Variants in WDR46 observed in about 807,000 individuals in gnomAD.
WDR46 encodes the protein WD repeat-containing protein 46.
A neutral mutation model predicts 74.7 loss-of-function variants in WDR46; 58 were observed. That is an observed-to-expected ratio of 0.78 (90% CI 0.63 to 0.97). The LOEUF is 0.97. Among genes scored for constraint, WDR46 ranks in the 50% least tolerant of loss-of-function variants. The pLI, the probability that WDR46 is intolerant of heterozygous loss-of-function variation, is 0.00. For missense variants in WDR46, 702 were observed against 790.1 expected, an observed-to-expected ratio of 0.89 and a Z score of 1.34; for synonymous variants, 278 against 297.3, an observed-to-expected ratio of 0.93 and a Z score of 0.67.
intron 10 of WDR46, among the ~76,000 whole-genome samples, chr6:33,283,005 T>G (rs1232764174): frequency 6.6e-6 from 1 of 152,078 alleles, no homozygotes; most frequent in Non-Finnish European, 1.5e-5. Context: ...GGTCAGGAGT[T>G]CAAGACCAGC....
At position 33,289,132 on chromosome 6, in the gene WDR46, G is replaced by A; in HGVS notation, c.39C>T (p.Pro13=). ...TAPKPGKDVP[P]KKDKLQTKRK... is the part of the protein sequence containing the mutation. ...TCTTGGTCTGAAGTTTGTCTTTCTT[G>A]GGCGGGACATCCTTGCCCGGCTTGG... Residue 13 remains proline (P), a synonymous_variant, in exon 1 of 15, where the codon CCC becomes CCT. Transcript: ENST00000374617. 6.2e-7 allele frequency: 1 copy of A among 1,609,396 alleles called. No homozygotes were observed. The highest frequency in any genetic ancestry group is 8.5e-7 in the Non-Finnish European group (1 of 1,178,892).
Position 33,279,316 on chromosome 6 carries a change from G to A in WDR46, c.1793C>T (p.Thr598Met), listed in dbSNP as rs756275791. The A allele has an allele frequency of 1.7e-5, 28 of 1,614,132 alleles. No individual in the cohort carries two copies. Among genetic ancestry groups the A allele is most frequent in the Non-Finnish European group, 1.6e-5 (19 of 1,180,058 alleles). ...GTCCAGGGCAGATGGCCGGGCCCCCGTGGGCTTGGCCTTCGCCTCCTTATG... is the reference window on the plus strand; with the variant it reads ...GTCCAGGGCAGATGGCCGGGCCCCCATGGGCTTGGCCTTCGCCTCCTTATG... ...QHHKEAKAKPTGARPSALDRF... is the reference protein window; with the variant it reads ...QHHKEAKAKPMGARPSALDRF... The change falls in exon 15 of 15, where the codon ACG becomes ATG. Residue 598 changes from threonine to methionine, a missense_variant. By Grantham distance (81) the Thr-to-Met change is moderately conservative (BLOSUM62 -1). Transcript: ENST00000374617.
In WDR46 at chr6:33,280,900, G is replaced by A. The variant is rs748197027; in HGVS notation, c.1203C>T (p.Pro401=). The change falls in exon 11 of 15, where the codon CCC becomes CCT. Residue 401 remains proline (P), a synonymous_variant. Transcript: ENST00000374617. ...TYQPLSTRTL[P]HGAGHLAFSQ... The stretch of plus-strand genomic sequence containing the variant: ...AGAAGGCCAGGTGCCCTGCTCCATG[G>A]GGCAGGGTCCGAGTGCTCAGAGGCT... The A allele has an allele frequency of 1.9e-6, 3 of 1,614,098 alleles. No homozygotes were observed. The highest frequency in any genetic ancestry group is 1.7e-6 in the Non-Finnish European group (2 of 1,180,040).
rs1209120966 is a variant in WDR46 at position 33,287,176 on chromosome 6, C to G, written c.930G>C (p.Val310=). The change falls in exon 9 of 15, where the codon GTG becomes GTC. Residue 310 remains valine (V), a synonymous_variant. Transcript: ENST00000374617. The part of the protein sequence containing the change: ...TYLDVSVGKI[V]AALNARAGRL... ...GCCCAGCTCGAGCATTCAGAGCTGC[C>G]ACAATCTTCCCCACTGACACATCCA... is the stretch of plus-strand genomic sequence containing the variant. 1 of 1,613,802 alleles carries G rather than the reference C, an allele frequency of 6.2e-7. No homozygotes were observed.
rs1203925041 is a variant in WDR46 at position 33,280,224 on chromosome 6, T to G, written c.1524+204A>C. On this transcript the variant is annotated intron_variant, in intron 12 of 14. Transcript: ENST00000374617. ...TGACCCCGTCCAGGAGAGGGGAATC[T>G]CACCCTCTCCAGGAAGAGGAAACCT... is the stretch of plus-strand genomic sequence containing the variant. Among the ~76,000 whole-genome samples, 15 of 144,064 alleles carry G rather than the reference T, an allele frequency of 1.0e-4. No individual in the cohort carries two copies. In the South Asian group the frequency reaches 3.1e-3, roughly 30 times the overall value. 94.5% of individuals were successfully genotyped at this position (144,064 alleles called of 152,430 possible). A position where few individuals can be genotyped will look rare whatever the true frequency, so the allele number is the denominator to read the frequency against.
chr6:33,280,498 C>A lies in WDR46; in HGVS notation c.1454G>T (p.Gly485Val). The change falls in exon 12 of 15, where the codon GGC becomes GTC. Residue 485 changes from glycine (G) to valine (V), a missense_variant. Coordinates refer to ENST00000374617, the MANE Select transcript of WDR46 (RefSeq NM_005452.6). The stretch of plus-strand genomic sequence containing the variant: ...GCTTCTGTATGGATTACTCTCCAGG[C>A]CATCGAAGTTGGGCTCACCGGCCCC... ...VPGAGEPNFD[G>V]LESNPYRSRK... is the part of the protein sequence containing the mutation. 1 of 1,601,938 alleles carries A rather than the reference C, an allele frequency of 6.2e-7. No homozygotes were observed.
At chr6:33,288,086 C>CT in intron 5 of WDR46, 60 bp from the exon 6 acceptor site, 1 of 1,613,982 alleles carries the variant, frequency 6.2e-7, no homozygotes, top group Non-Finnish European at 8.5e-7. Context: ...TTCTAGCCCC[C>CT]ATTCCTCTAT....
At chr6:33,282,024 G>A (rs1766230725) in intron 10 of WDR46, among the ~76,000 whole-genome samples, 1 of 152,220 alleles carries the variant, frequency 6.6e-6, no homozygotes, top group South Asian at 2.1e-4. Context: ...GTTTCGCCAT[G>A]TTGACCACGC....
At chr6:33,286,097 C>T (rs919294721) in intron 10 of WDR46, among the ~76,000 whole-genome samples, 3 of 150,506 alleles carry the variant, frequency 2.0e-5, no homozygotes, top group South Asian at 2.1e-4. Context: ...GCCGAGATCA[C>T]GCCACTGCAC....
At chr6:33,284,613 G>A (rs1766461555) in intron 10 of WDR46, 1 of 153,706 alleles carries the variant, frequency 6.5e-6, no homozygotes, top group Non-Finnish European at 1.5e-5. Context: ...TCATCTTAAT[G>A]TCTACAACAG....
chr6:33,279,657 G>A (rs189884475), intron 13 of WDR46, 47 bp from the exon 14 acceptor site: 514 of 1,613,234 alleles, frequency 3.2e-4, no homozygotes, highest in Middle Eastern at 1.2e-3. Flanking sequence ...TCGGAGTCAG[G>A]GAACTGGCAG....
chr6:33,289,161 C>A lies in WDR46; in HGVS notation c.10G>T (p.Ala4Ser). The change falls in exon 1 of 15, where the codon GCC becomes TCC. Residue 4 changes from alanine to serine, a missense_variant. By Grantham distance (99) the Ala-to-Ser change is moderately conservative. Transcript: ENST00000374617. ...GGGACATCCTTGCCCGGCTTGGGGGCTGTCTCCATCTCGCCCACCCGAACG... is the reference window on the plus strand; with the variant it reads ...GGGACATCCTTGCCCGGCTTGGGGGATGTCTCCATCTCGCCCACCCGAACG... The part of the protein sequence containing the change: MET[A>S]PKPGKDVPPK... 6.2e-7 allele frequency: 1 copy of A among 1,611,858 alleles called. No individual in the cohort carries two copies. Among genetic ancestry groups the A allele is most frequent in the Non-Finnish European group, 8.5e-7 (1 of 1,178,880 alleles).
At position 33,279,244 on chromosome 6, in the gene WDR46, G is replaced by C. The variant is rs761440594; in HGVS notation, c.*32C>G. The C allele has an allele frequency of 6.2e-7, 1 of 1,613,158 alleles. No individual in the cohort carries two copies. On this transcript the variant is annotated 3_prime_UTR_variant, in exon 15 of 15. Transcript: ENST00000374617. The stretch of plus-strand genomic sequence containing the variant: ...ATTTCCCTACAGGTGATCTTGGGGA[G>C]AGACTGTTCCCAGGCAACCCTGGAG...
chr6:33,286,767 C>T, intron 10 of WDR46, 28 bp downstream of exon 10: 1 of 1,584,226 alleles, frequency 6.3e-7, no homozygotes, highest in Non-Finnish European at 8.6e-7. Flanking sequence ...CCTATGACTC[C>T]TAACACCTCA....
chr6:33,284,635 G>A (rs1326891413), intron 10 of WDR46: 5 of 153,702 alleles, frequency 3.3e-5, no homozygotes, highest in African/African-American at 1.2e-4. Flanking sequence ...TTATATGAGG[G>A]CTTTAAACCA....
chr6:33,283,250 G>A (rs1027938999), intron 10 of WDR46, among the ~76,000 whole-genome samples: 1 of 151,974 alleles, frequency 6.6e-6, no homozygotes, highest in Admixed American at 6.6e-5. Context: ...GGAGCGGGTG[G>A]TGGGGGGGGT....
intron 10 of WDR46, chr6:33,284,918 T>A (rs1421270279): frequency 6.5e-6 from 1 of 153,832 alleles, no homozygotes; most frequent in Admixed American, 6.5e-5. Context: ...GCATCCTGAT[T>A]TGCACTGCTG....
At position 33,288,785 on chromosome 6, in the gene WDR46, C is replaced by T. The variant is rs767093006; in HGVS notation, c.279+19G>A. ...GAACGAGGCGGCCTGCCTCGCCACC[C>T]ATCAGGTCCCACGCTCACCCCGGAC... On this transcript the variant is annotated intron_variant, in intron 2 of 14. Coordinates refer to ENST00000374617, the MANE Select transcript of WDR46 (RefSeq NM_005452.6). 20 of 1,613,860 alleles carry T rather than the reference C, an allele frequency of 1.2e-5. No homozygotes were observed. The highest frequency in any genetic ancestry group is 1.6e-5 in the Non-Finnish European group (19 of 1,179,978).
rs755355646 is a variant in WDR46, at chr6:33,287,115, C to T, written c.991G>A (p.Val331Ile). 2.6e-5 allele frequency: 42 copies of T among 1,613,746 alleles called. No individual in the cohort carries two copies. The highest frequency in any genetic ancestry group is 1.6e-4 in the Middle Eastern group (1 of 6,084). ...CCATTGCTGTGTCCGAGATGGATGACGGCATTGTAAGGGTTCTGACTCATA... is the reference window on the plus strand; with the variant it reads ...CCATTGCTGTGTCCGAGATGGATGATGGCATTGTAAGGGTTCTGACTCATA... The part of the protein sequence containing the change: ...DVMSQNPYNA[V>I]IHLGHSNGTV... Residue 331 changes from valine to isoleucine, a missense_variant, in exon 9 of 15, where the codon GTC (valine) becomes ATC (isoleucine). Val to Ile is a conservative substitution (Grantham distance 29). Transcript: ENST00000374617.
Sources: allele counts gnomAD v4.1 joint callset (sites outside exome capture counted in the v4.1 genomes callset), GRCh38; gene constraint gnomAD v4.1.1; transcripts MANE v1.5; gene names NCBI Gene and HGNC (gene_info 2026-07-23, HGNC 2026-07-21).